The following STAU2 variants were observed in gnomAD, a reference collection of about 807,000 sequenced individuals.
STAU2 encodes the protein staufen double-stranded RNA binding protein 2.
A neutral mutation model predicts 65.9 loss-of-function variants in STAU2; 20 were observed. That is an observed-to-expected ratio of 0.30 (90% CI 0.21 to 0.44). STAU2 has a LOEUF of 0.44. Among genes scored for constraint, STAU2 ranks in the 20% least tolerant of loss-of-function variants. The pLI is 1.00. For missense variants in STAU2, 558 were observed against 683.9 expected (o/e 0.82, Z 2.05); for synonymous variants, 232 against 233.9 (o/e 0.99, Z 0.07).
intron 13 of STAU2, among the ~76,000 whole-genome samples, chr8:73,426,662 A>G (rs1371504266): frequency 1.3e-5 from 2 of 152,194 alleles, no homozygotes; most frequent in African/African-American, 4.8e-5. Context: ...ACGGCCGAGT[A>G]GTATTCCATT....
At chr8:73,665,328 A>G (rs1231971605) in intron 6 of STAU2, among the ~76,000 whole-genome samples, 1 of 152,238 alleles carries the variant, frequency 6.6e-6, no homozygotes, top group Non-Finnish European at 1.5e-5. Flanking sequence ...CACACATTCC[A>G]TGTGTAAAGC....
chr8:73,509,091 T>C (rs1292640734), intron 13 of STAU2, among the ~76,000 whole-genome samples: 1 of 152,222 alleles, frequency 6.6e-6, no homozygotes, highest in Non-Finnish European at 1.5e-5. Flanking sequence ...TTTTCCAAAA[T>C]GCTGTACATT....
intron 6 of STAU2, among the ~76,000 whole-genome samples, chr8:73,621,738 T>C (rs1028949543): frequency 3.9e-5 from 6 of 152,132 alleles, no homozygotes; most frequent in African/African-American, 1.4e-4. Flanking sequence ...TTGTTAAAAA[T>C]GAAGATTCCT....
intron 10 of STAU2, among the ~76,000 whole-genome samples, chr8:73,598,937 T>C (rs781496432): frequency 1.2e-4 from 18 of 152,058 alleles, no homozygotes; most frequent in Non-Finnish European, 2.6e-4. Flanking sequence ...GATGTGCAAA[T>C]CTTCTACATA....
At chr8:73,517,724 C>T (rs181526708) in intron 13 of STAU2, among the ~76,000 whole-genome samples, 7 of 151,748 alleles carry the variant, frequency 4.6e-5, no homozygotes, top group Admixed American at 4.6e-4. Context: ...TGTTATTCAT[C>T]ATTTCAGGAA....
chr8:73,571,978 A>C (rs551668645), intron 12 of STAU2, among the ~76,000 whole-genome samples: 3 of 152,202 alleles, frequency 2.0e-5, no homozygotes, highest in Non-Finnish European at 1.5e-5. Context: ...TTTTGAAAAG[A>C]TCAACAAAAT....
intron 6 of STAU2, among the ~76,000 whole-genome samples, chr8:73,657,992 G>A (rs753908257): frequency 5.3e-5 from 8 of 151,702 alleles, no homozygotes; most frequent in East Asian, 1.9e-4. Context: ...CCAGCTTGGC[G>A]ACAGAGCAAC....
chr8:73,671,784 A>C (rs1268945552), intron 6 of STAU2, among the ~76,000 whole-genome samples: 1 of 152,198 alleles, frequency 6.6e-6, no homozygotes, highest in African/African-American at 2.4e-5. Context: ...GCACTTTGGG[A>C]GGCCGAGGCG....
At chr8:73,475,340 C>T (rs1820261955) in intron 13 of STAU2, among the ~76,000 whole-genome samples, 1 of 152,172 alleles carries the variant, frequency 6.6e-6, no homozygotes, top group Non-Finnish European at 1.5e-5. Context: ...TTGACGTGTG[C>T]TCTGAGGCCA....
At chr8:73,706,108 T>C (rs1338489307) in intron 4 of STAU2, among the ~76,000 whole-genome samples, 1 of 151,628 alleles carries the variant, frequency 6.6e-6, no homozygotes, top group Non-Finnish European at 1.5e-5. Context: ...ATATAATTAA[T>C]GTACCAAGAA....
chr8:73,599,824 G>GT (rs1414702443), intron 10 of STAU2, among the ~76,000 whole-genome samples: 1 of 151,804 alleles, frequency 6.6e-6, no homozygotes, highest in African/African-American at 2.4e-5. Context: ...CTGGAGTGCA[G>GT]TGGCGCAAAC....
intron 11 of STAU2, among the ~76,000 whole-genome samples, chr8:73,591,466 T>C (rs112815414): frequency 2.0e-5 from 3 of 152,124 alleles, no homozygotes; most frequent in Admixed American, 6.5e-5. Flanking sequence ...GACCCAATTA[T>C]ATGCTTTCTA....
intron 13 of STAU2, among the ~76,000 whole-genome samples, chr8:73,423,116 T>C (rs1460023938): frequency 1.3e-5 from 2 of 152,198 alleles, no homozygotes; most frequent in African/African-American, 4.8e-5. Flanking sequence ...ATTGTTCAAA[T>C]TGATAGACAC....
chr8:73,430,709 A>G (rs1053445389), intron 13 of STAU2, among the ~76,000 whole-genome samples: 5 of 152,238 alleles, frequency 3.3e-5, no homozygotes, highest in Non-Finnish European at 1.5e-5. Flanking sequence ...ATGTTTTACT[A>G]CATACCTCCA....
At chr8:73,503,752 A>C (rs1467284474) in intron 13 of STAU2, among the ~76,000 whole-genome samples, 1 of 152,096 alleles carries the variant, frequency 6.6e-6, no homozygotes, top group Non-Finnish European at 1.5e-5. Flanking sequence ...CATGTACTTC[A>C]GGGGAAGAAA....
At chr8:73,527,788 C>G (rs1010200856) in intron 13 of STAU2, 3 of 1,536,556 alleles carry the variant, frequency 2.0e-6, no homozygotes, top group Non-Finnish European at 1.7e-6. Flanking sequence ...GCCACTTTGT[C>G]TATCACAGTA....
intron 3 of STAU2, among the ~76,000 whole-genome samples, chr8:73,720,117 C>T (rs1477798985): frequency 6.6e-6 from 1 of 151,938 alleles, no homozygotes; most frequent in Admixed American, 6.6e-5. Flanking sequence ...TCTCTACAAA[C>T]ATTAAAAATA....
At chr8:73,611,754 C>T (rs976178085) in intron 9 of STAU2, among the ~76,000 whole-genome samples, 3 of 151,766 alleles carry the variant, frequency 2.0e-5, no homozygotes, top group Admixed American at 6.6e-5. Context: ...TCTTGGCTCA[C>T]CTCAACCTCT....
chr8:73,669,637 T>TTCTC (rs34037884), intron 6 of STAU2, among the ~76,000 whole-genome samples: 14,595 of 141,174 alleles, frequency 0.1, 1,799 homozygotes, highest in African/African-American at 0.3. Context: ...GAGCCTGGAA[T>TTCTC]TCTCTCTCTC....
Sources: allele counts gnomAD v4.1 joint callset (sites outside exome capture counted in the v4.1 genomes callset), GRCh38; gene constraint gnomAD v4.1.1; transcripts MANE v1.5; gene names NCBI Gene and HGNC (gene_info 2026-07-23, HGNC 2026-07-21).